The following EEF2KMT variants were observed in gnomAD, a reference collection of about 807,000 sequenced individuals.
EEF2KMT encodes protein-lysine N-methyltransferase EEF2KMT.
A neutral mutation model predicts 35.1 loss-of-function variants in EEF2KMT; 30 were observed. That is an observed-to-expected ratio of 0.85 (90% CI 0.64 to 1.16). The LOEUF is 1.16. Among genes scored for constraint, EEF2KMT ranks in the 50% most tolerant of loss-of-function variants. The probability of loss-of-function intolerance (pLI) is 0.00; values close to 1 mark genes in which losing one functional copy is unlikely to be tolerated. For missense variants in EEF2KMT, 499 were observed against 438.2 expected, an observed-to-expected ratio of 1.14 and a Z score of -1.24; for synonymous variants, 190 against 187.7, an observed-to-expected ratio of 1.01 and a Z score of -0.10.
chr16:5,095,517 G>C lies in EEF2KMT; in HGVS notation c.97-3C>G. The C allele has an allele frequency of 2.5e-6, 4 of 1,611,532 alleles. No individual in the cohort carries two copies. In the South Asian group the frequency reaches 4.4e-5, roughly 18 times the overall value. On this transcript the variant is annotated splice_polypyrimidine_tract_variant and splice_region_variant and intron_variant, in intron 1 of 7. Coordinates refer to ENST00000427587, the MANE Select transcript of EEF2KMT (RefSeq NM_201400.4). The stretch of plus-strand genomic sequence containing the variant: ...TCTCTTAACTTTGCTTCTAAGCTCT[G>C]TGTGGAGGGGAAAGAGAGAAATCTC...
chr16:5,092,925 A>T (rs554508673), intron 3 of EEF2KMT, among the ~76,000 whole-genome samples: 1 of 152,272 alleles, frequency 6.6e-6, no homozygotes, highest in African/African-American at 2.4e-5. Context: ...GTGTCACGGT[A>T]ATCCAGCCTG....
chr16:5,096,061 C>G (rs35630977), intron 1 of EEF2KMT, among the ~76,000 whole-genome samples: 76,773 of 151,616 alleles, frequency 0.51, 20,256 homozygotes, highest in South Asian at 0.67. Context: ...TCCCTCACCC[C>G]TGGCCCACCC....
rs374102711 is a variant in EEF2KMT, at chr16:5,084,708, G to A, written c.*924C>T. ...CAGGTGGTGACCTGGGATGGGGTGG[G>A]GACAGGCAATGAGGTAAGCTCTGCT... On this transcript the variant is annotated 3_prime_UTR_variant, in exon 8 of 8. Coordinates refer to ENST00000427587, the MANE Select transcript of EEF2KMT (RefSeq NM_201400.4). 1.2e-5 allele frequency: 19 copies of A among 1,596,190 alleles called. No individual in the cohort carries two copies. The highest frequency in any genetic ancestry group is 1.7e-5 in the Admixed American group (1 of 59,968).
chr16:5,090,582 C>T lies in EEF2KMT; in HGVS notation c.343-17G>A, dbSNP rs376135705. On this transcript the variant is annotated splice_polypyrimidine_tract_variant and intron_variant, in intron 4 of 7. Transcript: ENST00000427587. This position sits in a 1 kb window ranked among gnomAD's most constrained non-coding sequence, Gnocchi z 4.1. ...TCCCGAGGGCTGCACCAAGAGAAGG[C>T]GAGAGAGTCAGTCCAGCGATCAGAA... The T allele has an allele frequency of 1.5e-4, 235 of 1,611,748 alleles. No individual in the cohort carries two copies. Among genetic ancestry groups the T allele is most frequent in the African/African-American group, 3.5e-4 (26 of 74,828 alleles).
intron 7 of EEF2KMT, among the ~76,000 whole-genome samples, chr16:5,088,329 G>A (rs1467766101): frequency 2.6e-5 from 4 of 152,138 alleles, no homozygotes; most frequent in Non-Finnish European, 4.4e-5. Context: ...TGTAGTTAAC[G>A]GGCTGCCCCA....
At position 5,090,439 on chromosome 16, in the gene EEF2KMT, T is replaced by G. The variant is rs1358625293; in HGVS notation, c.469A>C (p.Thr157Pro). 3 of 1,611,864 alleles carry G rather than the reference T, an allele frequency of 1.9e-6. No individual in the cohort carries two copies. Among genetic ancestry groups the G allele is most frequent in the African/African-American group, 2.7e-5 (2 of 74,914 alleles). Residue 157 changes from threonine (T) to proline (P), a missense_variant, in exon 5 of 8, where the codon ACT (threonine) becomes CCT (proline). By Grantham distance (38) the Thr-to-Pro change is conservative (BLOSUM62 -1). Coordinates refer to ENST00000427587, the MANE Select transcript of EEF2KMT (RefSeq NM_201400.4). The surrounding 1 kb of genome is among the most constrained non-coding windows in gnomAD (Gnocchi z 4.1). Reference protein sequence around the residue: ...EWAIENPAVFTNRTVLELGSG... With the variant: ...EWAIENPAVFPNRTVLELGSG... ...CCTGCGCCCCGAGGTCACCTGTTAG[T>G]GAAGACTGCCGGGTTCTCGATGGCC... is the stretch of plus-strand genomic sequence containing the variant.
chr16:5,089,509 C>G (rs1441847700), intron 6 of EEF2KMT: 15 of 591,534 alleles, frequency 2.5e-5, no homozygotes, highest in Non-Finnish European at 4.1e-5. Context: ...AAAACCAGCT[C>G]TGGTTCTTGG....
rs746406035 is a variant in EEF2KMT at position 5,091,795 on chromosome 16, A to G, written c.341T>C (p.Leu114Pro). 6.2e-7 allele frequency: 1 copy of G among 1,611,706 alleles called. No homozygotes were observed. Among genetic ancestry groups the G allele is most frequent in the Non-Finnish European group, 8.5e-7 (1 of 1,179,690 alleles). ...GGGAGGAGGGTGCCCTTCTCATACC[A>G]GCAAATAGCTCCGGTGGCCCTGGGT... ...ESTQGHRSYL[L>P]PSGGSVTLSE... Residue 114 changes from leucine to proline, a missense_variant and splice_region_variant, in exon 4 of 8, where the codon CTG becomes CCG. Leu to Pro is a moderately conservative substitution (Grantham distance 98). Transcript: ENST00000427587.
chr16:5,084,504 A>T lies in EEF2KMT; in HGVS notation c.*1128T>A. 1.6e-6 allele frequency: 1 copy of T among 643,660 alleles called. No individual in the cohort carries two copies. The highest frequency in any genetic ancestry group is 1.9e-5 in the South Asian group (1 of 53,386). 39.9% of individuals were successfully genotyped at this position (643,660 alleles called of 1,614,324 possible). A position where few individuals can be genotyped will look rare whatever the true frequency, so the allele number is the denominator to read the frequency against. On this transcript the variant is annotated 3_prime_UTR_variant, in exon 8 of 8. Coordinates refer to ENST00000427587, the MANE Select transcript of EEF2KMT (RefSeq NM_201400.4). ...TCACAGGGGAATGGGCAGCACGTAGAGGCCGGGAGGTGCTCCAGGGCACCA... is the reference window on the plus strand; with the variant it reads ...TCACAGGGGAATGGGCAGCACGTAGTGGCCGGGAGGTGCTCCAGGGCACCA...
Position 5,091,820 on chromosome 16 carries a change from T to G in EEF2KMT, c.316A>C (p.Thr106Pro). The G allele has an allele frequency of 6.2e-7, 1 of 1,611,796 alleles. No individual in the cohort carries two copies. The highest frequency in any genetic ancestry group is 8.5e-7 in the Non-Finnish European group (1 of 1,179,764). The change falls in exon 4 of 8, where the codon ACC becomes CCC. Residue 106 changes from threonine (T) to proline (P), a missense_variant. Coordinates refer to ENST00000427587, the MANE Select transcript of EEF2KMT (RefSeq NM_201400.4). ...LAETLMAKES[T>P]QGHRSYLLPS... ...AGCAAATAGCTCCGGTGGCCCTGGGTGGACTCCTTGGCCATCAGGGTCTCC... is the reference window on the plus strand; with the variant it reads ...AGCAAATAGCTCCGGTGGCCCTGGGGGGACTCCTTGGCCATCAGGGTCTCC...
Position 5,085,661 on chromosome 16 carries a change from C to A in EEF2KMT, c.964G>T (p.Glu322Ter). 1 of 1,611,594 alleles carries A rather than the reference C, an allele frequency of 6.2e-7. No individual in the cohort carries two copies. The highest frequency in any genetic ancestry group is 8.5e-7 in the Non-Finnish European group (1 of 1,179,486). Reference sequence around the variant, plus strand: ...AGGGTGAGATTCAGCATTGCCATCTCCAAGTGCTCTTCGTAGGGAAACAGT... The same window carrying A: ...AGGGTGAGATTCAGCATTGCCATCTACAAGTGCTCTTCGTAGGGAAACAGT... ...QKLFPYEEHL[E>*]MAMLNLTL Residue 322 changes from glutamate (E) to a stop codon, truncating the protein, a stop_gained, in exon 8 of 8, where the codon GAG becomes TAG. Transcript: ENST00000427587. LOFTEE classifies it high-confidence loss of function.
chr16:5,094,538 C>T (rs1376620791), intron 2 of EEF2KMT, among the ~76,000 whole-genome samples: 1 of 151,144 alleles, frequency 6.6e-6, no homozygotes, highest in Non-Finnish European at 1.5e-5. Context: ...CCTGGGATTA[C>T]AGGTGTGAGC....
intron 4 of EEF2KMT, among the ~76,000 whole-genome samples, chr16:5,091,073 T>G (rs951991328): frequency 6.6e-6 from 1 of 151,820 alleles, no homozygotes; most frequent in Non-Finnish European, 1.5e-5. Context: ...TGCCACCATG[T>G]CCGGCTACTT....
intron 1 of EEF2KMT, chr16:5,097,345 G>A (rs1174961804): frequency 7.0e-7 from 1 of 1,432,880 alleles, no homozygotes; most frequent in Non-Finnish European, 9.2e-7. Context: ...TGACCAGAAC[G>A]ATTACTGCCT....
chr16:5,095,035 A>T (rs1426091761), intron 2 of EEF2KMT, among the ~76,000 whole-genome samples: 1 of 152,184 alleles, frequency 6.6e-6, no homozygotes, highest in Non-Finnish European at 1.5e-5. Flanking sequence ...CTTGAGTCCA[A>T]ACCCCACCCT....
chr16:5,095,581 T>C, intron 1 of EEF2KMT, 67 bp from the exon 2 acceptor site: 2 of 1,606,256 alleles, frequency 1.2e-6, no homozygotes, highest in Non-Finnish European at 8.5e-7. Flanking sequence ...CGCAATAGAA[T>C]GTGTTGGCAA....
In EEF2KMT at chr16:5,084,908, G is replaced by A. The variant is rs1362143066; in HGVS notation, c.*724C>T. The A allele has an allele frequency of 1.9e-6, 3 of 1,596,352 alleles. No individual in the cohort carries two copies. The South Asian group carries it at 3.3e-5, about 18-fold the overall frequency. The stretch of plus-strand genomic sequence containing the variant: ...TCCTGGGCCAGAGGCTAAAACCCCA[G>A]GACCCCTGCTGTCCTTCCCGCAGCT... On this transcript the variant is annotated 3_prime_UTR_variant, in exon 8 of 8. Coordinates refer to ENST00000427587, the MANE Select transcript of EEF2KMT (RefSeq NM_201400.4).
At chr16:5,092,970 A>G (rs1276919288) in intron 3 of EEF2KMT, among the ~76,000 whole-genome samples, 1 of 152,176 alleles carries the variant, frequency 6.6e-6, no homozygotes, top group Non-Finnish European at 1.5e-5. Flanking sequence ...AAAAAAATAA[A>G]TAAATAAGTA....
rs778726124 is a variant in EEF2KMT at position 5,097,766 on chromosome 16, G to T, written c.-27C>A. The T allele has an allele frequency of 4.7e-5, 73 of 1,539,284 alleles. No individual in the cohort carries two copies. Among genetic ancestry groups the T allele is most frequent in the Non-Finnish European group, 5.6e-5 (64 of 1,148,518 alleles). On this transcript the variant is annotated 5_prime_UTR_variant, in exon 1 of 8. Coordinates refer to ENST00000427587, the MANE Select transcript of EEF2KMT (RefSeq NM_201400.4). ...ACGTGGGCGGGGCCGCAGCGTTGCCGGCAGACCGGGCGGAAGCCCGGCCTG... is the reference window on the plus strand; with the variant it reads ...ACGTGGGCGGGGCCGCAGCGTTGCCTGCAGACCGGGCGGAAGCCCGGCCTG...
Sources: allele counts gnomAD v4.1 joint callset (sites outside exome capture counted in the v4.1 genomes callset), GRCh38; gene constraint gnomAD v4.1.1; non-coding constraint Gnocchi (gnomAD v3.1); transcripts MANE v1.5; gene names NCBI Gene and HGNC (gene_info 2026-07-23, HGNC 2026-07-21).